The following TRAM1 variants were observed in gnomAD, a reference collection of about 807,000 sequenced individuals.
TRAM1 encodes the protein translocation associated membrane protein 1.
In TRAM1, 17 loss-of-function variants were observed where a neutral mutation model predicts 48.7. The observed-to-expected ratio is 0.35, with a 90% CI of 0.24 to 0.52. TRAM1 has a LOEUF of 0.52. TRAM1 is among the 20% of genes least tolerant of loss of function. The pLI is 0.94. For synonymous variants in TRAM1, 182 were observed against 154.0 expected, an observed-to-expected ratio of 1.18 and a Z score of -1.34; for missense variants, 351 against 441.5, an observed-to-expected ratio of 0.79 and a Z score of 1.84.
intron 10 of TRAM1, among the ~76,000 whole-genome samples, chr8:70,576,103 A>C (rs4738097): frequency 0.054 from 8,054 of 150,228 alleles, 792 homozygotes; most frequent in East Asian, 0.28. Flanking sequence ...AAACCACACA[A>C]AAAAAAACCC....
intron 1 of TRAM1, chr8:70,607,811 T>G (rs1817782860): frequency 2.5e-5 from 7 of 274,932 alleles, no homozygotes; most frequent in South Asian, 1.5e-4. Context: ...CGGCGGCGGG[T>G]CAGGAAGGGG....
chr8:70,576,958 G>C (rs1000965631), intron 10 of TRAM1, among the ~76,000 whole-genome samples: 1 of 152,180 alleles, frequency 6.6e-6, no homozygotes, highest in Admixed American at 6.5e-5. Context: ...ACTGACCCTG[G>C]GATTAGAGCA....
chr8:70,600,118 G>C (rs780846856), intron 1 of TRAM1, 36 bp from the exon 2 acceptor site: 1 of 1,550,402 alleles, frequency 6.4e-7, no homozygotes, highest in South Asian at 1.1e-5. Flanking sequence ...AAGTCAATTT[G>C]TGACCCTCTC....
chr8:70,587,849 T>C (rs1302969078), intron 6 of TRAM1, among the ~76,000 whole-genome samples: 1 of 152,238 alleles, frequency 6.6e-6, no homozygotes, highest in East Asian at 1.9e-4. Flanking sequence ...TATTTTTACT[T>C]CTTTTTTTCT....
At chr8:70,606,978 C>G in intron 1 of TRAM1, 1 of 963,910 alleles carries the variant, frequency 1.0e-6, no homozygotes, top group Non-Finnish European at 1.2e-6. Context: ...CTATCCTAGA[C>G]TCTGGAAATA....
chr8:70,594,935 A>C (rs1229286572), intron 5 of TRAM1, among the ~76,000 whole-genome samples: 2 of 152,240 alleles, frequency 1.3e-5, no homozygotes, highest in Non-Finnish European at 2.9e-5. Flanking sequence ...ATGTCTATAC[A>C]GTTTCATCAA....
intron 1 of TRAM1, among the ~76,000 whole-genome samples, chr8:70,604,231 C>A (rs1194366710): frequency 4.4e-5 from 1 of 22,910 alleles, no homozygotes; most frequent in Non-Finnish European, 1.1e-4. Flanking sequence ...TATGCAATGT[C>A]ATAAATACAA....
At chr8:70,601,242 G>A (rs1240636136) in intron 1 of TRAM1, among the ~76,000 whole-genome samples, 1 of 152,050 alleles carries the variant, frequency 6.6e-6, no homozygotes, top group Non-Finnish European at 1.5e-5. Flanking sequence ...CATCTTTCTA[G>A]GAGAATGTGA....
At chr8:70,576,028 G>A (rs558058474) in intron 10 of TRAM1, among the ~76,000 whole-genome samples, 25 of 141,998 alleles carry the variant, frequency 1.8e-4, no homozygotes, top group African/African-American at 6.5e-4. Flanking sequence ...CTGAGATCGC[G>A]CCACTGCACT....
rs534470928 is a variant in TRAM1 at position 70,590,917 on chromosome 8, G to C, written c.570+3589C>G. 2.0e-5 allele frequency among the ~76,000 whole-genome samples: 3 copies of C among 152,166 alleles called. No homozygotes were observed. In the East Asian group the frequency reaches 5.8e-4, roughly 29 times the overall value. On this transcript the variant is annotated intron_variant, in intron 6 of 10. Transcript: ENST00000262213. ...AGAAAAAGTAAATTAGTAAGAGAAT[G>C]GGTAAATACTTGTGTCACTTACTAG... is the stretch of plus-strand genomic sequence containing the variant.
Position 70,574,803 on chromosome 8 carries a change from T to A in TRAM1, c.*129A>T. The A allele has an allele frequency of 4.4e-6, 3 of 688,518 alleles. No homozygotes were observed. Among genetic ancestry groups the A allele is most frequent in the South Asian group, 1.9e-5 (1 of 51,560 alleles). 42.7% of individuals were successfully genotyped at this position (688,518 alleles called of 1,614,324 possible). On this transcript the variant is annotated 3_prime_UTR_variant, in exon 11 of 11. Transcript: ENST00000262213. Reference sequence around the variant, plus strand: ...CTCAAATGCCCTTTAAAAAAATGCATGAAACCGTACAATAGCAAAAATCAA... The same window carrying A: ...CTCAAATGCCCTTTAAAAAAATGCAAGAAACCGTACAATAGCAAAAATCAA...
intron 8 of TRAM1, among the ~76,000 whole-genome samples, chr8:70,585,403 A>G (rs1383881882): frequency 6.6e-6 from 1 of 152,136 alleles, no homozygotes; most frequent in African/African-American, 2.4e-5. Flanking sequence ...AAGCAATGGC[A>G]ACAAAAGCCA....
At chr8:70,590,852 G>T (rs1231965782) in intron 6 of TRAM1, among the ~76,000 whole-genome samples, 1 of 152,182 alleles carries the variant, frequency 6.6e-6, no homozygotes, top group Non-Finnish European at 1.5e-5. Context: ...AAATTGACTA[G>T]TGTCTCTAAA....
At chr8:70,584,707 G>A (rs1037933945) in intron 8 of TRAM1, among the ~76,000 whole-genome samples, 2 of 152,028 alleles carry the variant, frequency 1.3e-5, no homozygotes, top group African/African-American at 2.4e-5. Flanking sequence ...AAATACCTAG[G>A]AATCCAACTT....
chr8:70,575,979 G>A (rs577584597), intron 10 of TRAM1, among the ~76,000 whole-genome samples: 2 of 149,946 alleles, frequency 1.3e-5, no homozygotes, highest in East Asian at 4.1e-4. Context: ...TGGGAGGCAG[G>A]AGAATCACTT....
At chr8:70,576,459 A>G (rs979748974) in intron 10 of TRAM1, among the ~76,000 whole-genome samples, 1 of 152,250 alleles carries the variant, frequency 6.6e-6, no homozygotes, top group Admixed American at 6.5e-5. Flanking sequence ...AGTCATATGA[A>G]TAATTTTATG....
chr8:70,589,080 G>C (rs1278452231), intron 6 of TRAM1, among the ~76,000 whole-genome samples: 1 of 152,172 alleles, frequency 6.6e-6, no homozygotes, highest in East Asian at 1.9e-4. Flanking sequence ...TTGAAGTCTA[G>C]TTTTGAAATG....
chr8:70,606,492 C>G (rs1355861345), intron 1 of TRAM1, among the ~76,000 whole-genome samples: 1 of 152,180 alleles, frequency 6.6e-6, no homozygotes, highest in Admixed American at 6.5e-5. Flanking sequence ...AGCCAGAGCA[C>G]CAGGCCTAGC....
chr8:70,596,913 TA>T (rs1285462303), intron 4 of TRAM1, among the ~76,000 whole-genome samples: 1 of 151,934 alleles, frequency 6.6e-6, no homozygotes, highest in Non-Finnish European at 1.5e-5. Flanking sequence ...TATGTTTTTT[TA>T]AAAAAATGTA....
Sources: allele counts gnomAD v4.1 joint callset (sites outside exome capture counted in the v4.1 genomes callset), GRCh38; gene constraint gnomAD v4.1.1; transcripts MANE v1.5; gene names NCBI Gene and HGNC (gene_info 2026-07-23, HGNC 2026-07-21).